The following IGDCC4 variants were observed in gnomAD, a reference collection of about 807,000 sequenced individuals.
IGDCC4 encodes the protein likely ortholog of mouse neighbor of Punc E11.
IGDCC4 carries 72 observed loss-of-function variants against 116.6 expected under a neutral mutation model. That is an observed-to-expected ratio of 0.62 (90% CI 0.51 to 0.75). The LOEUF (loss-of-function observed/expected upper bound fraction) is 0.75. IGDCC4 is among the 30% of genes least tolerant of loss of function. IGDCC4 has a pLI of 0.00. For missense variants in IGDCC4, 1,501 were observed against 1,662.4 expected, an observed-to-expected ratio of 0.90 and a Z score of 1.69; for synonymous variants, 709 against 719.9, an observed-to-expected ratio of 0.98 and a Z score of 0.24.
Position 65,384,177 on chromosome 15 carries a change from G to A in IGDCC4, c.3585C>T (p.Asp1195=), listed in dbSNP as rs780479253. ...GGCELAAPGP[D]RLTCLPEAAS... ...CTGCCTCTGGCAAGCAGGTAAGTCT[G>A]TCTGGCCCGGGGGCTGCCAGCTCAC... The change falls in exon 20 of 20, where the codon GAC becomes GAT. Residue 1195 remains aspartate, a synonymous_variant. Coordinates refer to ENST00000352385, the MANE Select transcript of IGDCC4 (RefSeq NM_020962.3). This position sits in a 1 kb window ranked among gnomAD's most constrained non-coding sequence, Gnocchi z 4.9. The A allele has an allele frequency of 5.0e-6, 8 of 1,613,388 alleles. No homozygotes were observed. In the Admixed American group the frequency reaches 1.3e-4, roughly 27 times the overall value.
At chr15:65,387,053 G>A (rs1259961114) in intron 16 of IGDCC4, among the ~76,000 whole-genome samples, 1 of 152,106 alleles carries the variant, frequency 6.6e-6, no homozygotes, top group Non-Finnish European at 1.5e-5. Flanking sequence ...TTGAGACAGG[G>A]TCTTGCTCTG....
intron 1 of IGDCC4, among the ~76,000 whole-genome samples, chr15:65,415,613 C>T (rs908571452): frequency 1.3e-5 from 2 of 152,240 alleles, no homozygotes; most frequent in African/African-American, 2.4e-5. Flanking sequence ...CCTGAGAATC[C>T]TCATTCCACA....
intron 1 of IGDCC4, among the ~76,000 whole-genome samples, chr15:65,414,055 G>A (rs1368133834): frequency 6.6e-6 from 1 of 152,124 alleles, no homozygotes; most frequent in African/African-American, 2.4e-5. Context: ...AAACACATGC[G>A]CCTCAGTCTC....
intron 3 of IGDCC4, among the ~76,000 whole-genome samples, chr15:65,409,830 A>G (rs1014518301): frequency 5.9e-5 from 9 of 152,048 alleles, no homozygotes; most frequent in African/African-American, 2.2e-4. Context: ...ACAGACAACC[A>G]ACATTCTGCC....
In IGDCC4 at chr15:65,383,707, T is replaced by G; in HGVS notation, c.*302A>C. On this transcript the variant is annotated 3_prime_UTR_variant, in exon 20 of 20. Transcript: ENST00000352385. Reference sequence around the variant, plus strand: ...ACCTGGAGGACCAATCAGGCTGTAGTGACCACTGCCTGGGCCACGGTTTCC... The same window carrying G: ...ACCTGGAGGACCAATCAGGCTGTAGGGACCACTGCCTGGGCCACGGTTTCC... 1 of 291,690 alleles carries G rather than the reference T, an allele frequency of 3.4e-6. No homozygotes were observed. Among genetic ancestry groups the G allele is most frequent in the South Asian group, 1.1e-4 (1 of 9,032 alleles). 18.1% of individuals were successfully genotyped at this position (291,690 alleles called of 1,614,324 possible). A position where few individuals can be genotyped will look rare whatever the true frequency, so the allele number is the denominator to read the frequency against.
At position 65,395,110 on chromosome 15, in the gene IGDCC4, C is replaced by A. The variant is rs1205053663; in HGVS notation, c.1560G>T (p.Val520=). 5 of 1,612,178 alleles carry A rather than the reference C, an allele frequency of 3.1e-6. No homozygotes were observed. The Admixed American group carries it at 5.0e-5, about 16-fold the overall frequency. The change falls in exon 8 of 20, where the codon GTG becomes GTT. Residue 520 remains valine, a synonymous_variant. Coordinates refer to ENST00000352385, the MANE Select transcript of IGDCC4 (RefSeq NM_020962.3). ...GASRTSTPAL[V]HTLDDVPSAA... ...AGGCCCTACCATCATCCAGTGTGTG[C>A]ACCAGTGCTGGGGTGGAGGTGCGGC...
At chr15:65,411,943 C>T (rs1432227158) in intron 1 of IGDCC4, among the ~76,000 whole-genome samples, 2 of 152,168 alleles carry the variant, frequency 1.3e-5, no homozygotes, top group Admixed American at 1.3e-4. Context: ...TATGAATATA[C>T]TAAAAACCAC....
intron 18 of IGDCC4, 142 bp downstream of exon 18, chr15:65,385,689 C>G (rs989462383): frequency 4.0e-6 from 3 of 750,864 alleles, no homozygotes; most frequent in Admixed American, 2.0e-5. Context: ...CCAACCATTC[C>G]GTGGAGGAGG....
rs754601252 is a variant in IGDCC4, at chr15:65,400,859, A to G, written c.788T>C (p.Met263Thr). 1 of 1,613,750 alleles carries G rather than the reference A, an allele frequency of 6.2e-7. No individual in the cohort carries two copies. Among genetic ancestry groups the G allele is most frequent in the Admixed American group, 1.7e-5 (1 of 59,992 alleles). Residue 263 changes from methionine (M) to threonine (T), a missense_variant, in exon 5 of 20, where the codon ATG (methionine) becomes ACG (threonine). By Grantham distance (81) the Met-to-Thr change is moderately conservative. This residue lies in a region of IGDCC4 where 898 missense variants were observed against 978.9 expected (regional missense o/e 0.92). Transcript: ENST00000352385. ...GGGGTCAGCTGAGGCCACACATTCC[A>G]TCACCACACTCTGGCCAGACACCAC... ...TTVVSGQSVV[M>T]ECVASADPTP...
chr15:65,421,845 G>C (rs1390286338), intron 1 of IGDCC4, among the ~76,000 whole-genome samples: 1 of 151,868 alleles, frequency 6.6e-6, no homozygotes, highest in Non-Finnish European at 1.5e-5. Context: ...GACAGGAAGC[G>C]ACAGAGCTGT....
intron 6 of IGDCC4, 41 bp from the exon 7 acceptor site, chr15:65,396,204 A>G: frequency 2.7e-6 from 4 of 1,473,272 alleles, no homozygotes; most frequent in Non-Finnish European, 3.6e-6. Context: ...GGATCCCGCA[A>G]CTAAGGTCTC....
intron 6 of IGDCC4, chr15:65,396,487 A>G (rs2062928606): frequency 1.8e-6 from 1 of 559,564 alleles, no homozygotes; most frequent in Non-Finnish European, 3.3e-6. Flanking sequence ...CTGCCCTCCC[A>G]TATGTCCCAC....
intron 3 of IGDCC4, among the ~76,000 whole-genome samples, chr15:65,403,919 A>G (rs1354946883): frequency 6.6e-6 from 1 of 152,064 alleles, no homozygotes; most frequent in Admixed American, 6.6e-5. Flanking sequence ...GAGGGGGTGA[A>G]TGGGTCCCTC....
rs938002551 is a variant in IGDCC4 at position 65,393,454 on chromosome 15, G to A, written c.1792C>T (p.Arg598Ter). 3 of 1,613,726 alleles carry A rather than the reference G, an allele frequency of 1.9e-6. No individual in the cohort carries two copies. Among genetic ancestry groups the A allele is most frequent in the Non-Finnish European group, 2.5e-6 (3 of 1,179,790 alleles). ...GCTGTACCAGCCGAAATCCGTACTC[G>A]ATACACCTTGTTTGGCTGAAGCGAG... is the stretch of plus-strand genomic sequence containing the variant. ...LNSLQPNKVY[R>*]VRISAGTAAG... The change falls in exon 10 of 20, where the codon CGA becomes TGA. Residue 598 changes from arginine to a stop codon, truncating the protein, a stop_gained. Coordinates refer to ENST00000352385, the MANE Select transcript of IGDCC4 (RefSeq NM_020962.3). LOFTEE classifies it high-confidence loss of function. This position sits in a 1 kb window ranked among gnomAD's most constrained non-coding sequence, Gnocchi z 4.6.
chr15:65,420,289 T>C (rs867764192), intron 1 of IGDCC4, among the ~76,000 whole-genome samples: 1 of 152,210 alleles, frequency 6.6e-6, no homozygotes. Context: ...AAATTCAATC[T>C]ATCCTCAAGT....
At chr15:65,418,608 C>T (rs1595797291) in intron 1 of IGDCC4, among the ~76,000 whole-genome samples, 1 of 152,204 alleles carries the variant, frequency 6.6e-6, no homozygotes, top group Non-Finnish European at 1.5e-5. Flanking sequence ...GGTTTGATTT[C>T]TCTGCATGTC....
Position 65,392,282 on chromosome 15 carries a change from G to A in IGDCC4, c.1974C>T (p.Ile658=), listed in dbSNP as rs769634232. The A allele has an allele frequency of 6.5e-5, 104 of 1,605,814 alleles. No homozygotes were observed. The highest frequency in any genetic ancestry group is 8.5e-5 in the Non-Finnish European group (100 of 1,174,808). Residue 658 remains isoleucine (I), a synonymous_variant, in exon 11 of 20, where the codon ATC becomes ATT. Transcript: ENST00000352385. ...CCCGCCAATATAGTTTGTAGCCAGA[G>A]ATCTGGGTGGGGTGAGGGGGTGGCT... is the stretch of plus-strand genomic sequence containing the variant. The part of the protein sequence containing the change: ...SWQPPPHPTQ[I]SGYKLYWREV...
Position 65,396,833 on chromosome 15 carries a change from C to T in IGDCC4, c.997+1G>A. On this transcript the variant is annotated splice_donor_variant, in intron 6 of 19. Transcript: ENST00000352385. LOFTEE classifies it high-confidence loss of function. Reference sequence around the variant, plus strand: ...TCCCTCCGCCCTTCGGCCCGCCTCACCCAGCACACGGAGCTCAGCGGCTGC... The same window carrying T: ...TCCCTCCGCCCTTCGGCCCGCCTCATCCAGCACACGGAGCTCAGCGGCTGC... 1 of 1,567,338 alleles carries T rather than the reference C, an allele frequency of 6.4e-7. No individual in the cohort carries two copies. The highest frequency in any genetic ancestry group is 8.7e-7 in the Non-Finnish European group (1 of 1,155,948).
At chr15:65,394,882 AACTACTGACCTGGGC>A (rs1595781333) in intron 8 of IGDCC4, among the ~76,000 whole-genome samples, 197 bp downstream of exon 8, 2 of 152,206 alleles carry the variant, frequency 1.3e-5, no homozygotes, top group East Asian at 3.8e-4. Context: ...GTCCCAGCTG[AACTACTGACCTGGGC>A]AAATCATTCT....
Sources: gnomAD v4.1 joint callset for allele counts (sites outside exome capture counted in the v4.1 genomes callset) on GRCh38, gnomAD v4.1.1 for gene constraint, gnomAD v4.1.1 regional missense constraint, Gnocchi (gnomAD v3.1) non-coding constraint, MANE v1.5 for transcripts, NCBI Gene and HGNC (gene_info 2026-07-23, HGNC 2026-07-21) for gene names.